EXPH5: variants seen among roughly 807,000 people sequenced by gnomAD.
EXPH5 encodes the protein exophilin-5.
In EXPH5, 42 loss-of-function variants were observed where a neutral mutation model predicts 41.1. The observed-to-expected ratio is 1.02, with a 90% CI of 0.80 to 1.32. The LOEUF (loss-of-function observed/expected upper bound fraction) is 1.32. Among genes scored for constraint, EXPH5 ranks in the 40% most tolerant of loss-of-function variants. The pLI, the probability that EXPH5 is intolerant of heterozygous loss-of-function variation, is 0.00. For synonymous variants in EXPH5, 798 were observed against 833.5 expected (o/e 0.96, Z 0.73); for missense variants, 2,298 against 2,314.5 (o/e 0.99, Z 0.15).
chr11:108,562,570 C>T (rs956362887), intron 1 of EXPH5, among the ~76,000 whole-genome samples: 1 of 152,080 alleles, frequency 6.6e-6, no homozygotes, highest in African/African-American at 2.4e-5. Context: ...GATCGCACCA[C>T]TGCACTCCAG....
chr11:108,525,923 T>C (rs895714663), intron 4 of EXPH5, among the ~76,000 whole-genome samples: 2 of 150,368 alleles, frequency 1.3e-5, no homozygotes, highest in African/African-American at 2.4e-5. Context: ...CTTTTCTTTT[T>C]TTTTTTTTTG....
intron 1 of EXPH5, among the ~76,000 whole-genome samples, chr11:108,571,095 C>G (rs896660111): frequency 1.4e-4 from 21 of 152,088 alleles, no homozygotes; most frequent in Non-Finnish European, 1.3e-4. Flanking sequence ...CTCGGTGGAA[C>G]TGGGAATACA....
chr11:108,571,938 C>G (rs1054263500), intron 1 of EXPH5, among the ~76,000 whole-genome samples: 5 of 151,888 alleles, frequency 3.3e-5, no homozygotes, highest in African/African-American at 1.2e-4. Context: ...GTCCCAGCTA[C>G]TCGGAGAGGC....
At chr11:108,532,339 G>GATAGATATATATATATAT (rs1555192496) in intron 3 of EXPH5, among the ~76,000 whole-genome samples, 2 of 23,426 alleles carry the variant, frequency 8.5e-5, no homozygotes, top group Admixed American at 7.0e-4. Context: ...CACCACACTG[G>GATAGATATATATATATAT]ATATATATAT....
chr11:108,541,866 C>T (rs2093914858), intron 1 of EXPH5, 54 bp from the exon 2 acceptor site: 2 of 1,400,916 alleles, frequency 1.4e-6, no homozygotes, highest in Non-Finnish European at 9.7e-7. Context: ...TAACATCAAG[C>T]TCATCCTTAA....
chr11:108,532,360 ATATATATTTTTTTTTTTTTTTTT>A (rs2093846851), intron 3 of EXPH5, among the ~76,000 whole-genome samples: 1 of 20,870 alleles, frequency 4.8e-5, no homozygotes, highest in African/African-American at 2.5e-4. Flanking sequence ...ATATATATAT[ATATATATTTTTTTTTTTTTTTTT>A]TTTTTTTTTT....
chr11:108,554,850 A>G (rs567940488), intron 1 of EXPH5, among the ~76,000 whole-genome samples: 12 of 152,286 alleles, frequency 7.9e-5, no homozygotes, highest in African/African-American at 2.9e-4. Context: ...CTTGAAGCCA[A>G]CAGGCAGAGG....
chr11:108,514,982 AT>A, intron 5 of EXPH5, 107 bp from the exon 6 acceptor site: 1 of 587,400 alleles, frequency 1.7e-6, no homozygotes, highest in Non-Finnish European at 2.6e-6. Flanking sequence ...TTATAATTTT[AT>A]TTTTATCATA....
chr11:108,583,678 A>T (rs929393415), intron 1 of EXPH5, among the ~76,000 whole-genome samples: 8 of 151,622 alleles, frequency 5.3e-5, no homozygotes, highest in East Asian at 1.9e-4. Flanking sequence ...TTAACAAAAA[A>T]ATAAAAATAA....
At chr11:108,538,469 C>T (rs533047021) in intron 3 of EXPH5, among the ~76,000 whole-genome samples, 1 of 152,172 alleles carries the variant, frequency 6.6e-6, no homozygotes, top group South Asian at 2.1e-4. Context: ...GCTTCTCCTC[C>T]CTCACCTTAT....
At chr11:108,529,670 C>T (rs1380545339) in intron 3 of EXPH5, among the ~76,000 whole-genome samples, 1 of 151,898 alleles carries the variant, frequency 6.6e-6, no homozygotes, top group Non-Finnish European at 1.5e-5. Context: ...CATGGTGAAA[C>T]CGTGTCTCTA....
At chr11:108,551,019 A>C (rs550063187) in intron 1 of EXPH5, among the ~76,000 whole-genome samples, 2 of 152,282 alleles carry the variant, frequency 1.3e-5, no homozygotes, top group South Asian at 4.1e-4. Flanking sequence ...GGGTGAAATC[A>C]TACCAATAAA....
At chr11:108,596,086 T>C (rs2852202), upstream of EXPH5, among the ~76,000 whole-genome samples, 60,495 of 151,634 alleles carry the variant, frequency 0.4, 13,539 homozygotes, top group Non-Finnish European at 0.49. Context: ...TCCCAGCTAC[T>C]CGGGAGGCTG....
In EXPH5 at chr11:108,513,851, C is replaced by A. The variant is rs755678654; in HGVS notation, c.1656G>T (p.Gln552His). 8 of 1,588,480 alleles carry A rather than the reference C, an allele frequency of 5.0e-6. No homozygotes were observed. The highest frequency in any genetic ancestry group is 6.0e-6 in the Non-Finnish European group (7 of 1,167,432). Residue 552 changes from glutamine to histidine, a missense_variant, in exon 6 of 6, where the codon CAG becomes CAT. Physicochemically the swap from Gln to His is conservative, Grantham distance 24. Transcript: ENST00000265843. ...SRGQEEPHPW[Q>H]FDFQRSTLDS... ...CCAGTGTGGATCTCTGAAAATCAAA[C>A]TGCCAAGGATGTGGCTCTTCTTGGC... is the stretch of plus-strand genomic sequence containing the variant.
intron 1 of EXPH5, among the ~76,000 whole-genome samples, chr11:108,546,678 T>C (rs566256723): frequency 4.6e-5 from 7 of 152,218 alleles, no homozygotes; most frequent in Non-Finnish European, 1.0e-4. Flanking sequence ...TCATTAAGTA[T>C]TTGCATAATA....
At chr11:108,549,741 C>T (rs775047684) in intron 1 of EXPH5, among the ~76,000 whole-genome samples, 1 of 152,162 alleles carries the variant, frequency 6.6e-6, no homozygotes, top group Non-Finnish European at 1.5e-5. Flanking sequence ...CAGGTTCTAG[C>T]TGGGTGATCT....
rs186226922 is a variant in EXPH5, at chr11:108,567,435, C to T, written c.120-25623G>A. Among the ~76,000 whole-genome samples the T allele has an allele frequency of 3.9e-5, 6 of 152,282 alleles. No homozygotes were observed. In the East Asian group the frequency reaches 1.2e-3, roughly 29 times the overall value. ...CAATGCCAGCCTCTATGAAGTTTTG[C>T]CTAATAATTTTAGCTCCAATCCATC... On this transcript the variant is annotated intron_variant, in intron 1 of 5. Coordinates refer to ENST00000265843, the MANE Select transcript of EXPH5 (RefSeq NM_015065.3).
At position 108,563,720 on chromosome 11, in the gene EXPH5, C is replaced by A. The variant is rs564692656; in HGVS notation, c.120-21908G>T. On this transcript the variant is annotated intron_variant, in intron 1 of 5. Transcript: ENST00000265843. ...GCCTCCCAGCCACCGTCCGGTTCAACCCTGGAACAGTAAAAAACCACCACT... is the reference window on the plus strand; with the variant it reads ...GCCTCCCAGCCACCGTCCGGTTCAAACCTGGAACAGTAAAAAACCACCACT... Among the ~76,000 whole-genome samples the A allele has an allele frequency of 2.0e-5, 3 of 152,264 alleles. No homozygotes were observed. The East Asian group carries it at 5.8e-4, about 29-fold the overall frequency.
chr11:108,513,897 T>C lies in EXPH5; in HGVS notation c.1610A>G (p.Tyr537Cys). 1 of 1,611,230 alleles carries C rather than the reference T, an allele frequency of 6.2e-7. No individual in the cohort carries two copies. The highest frequency in any genetic ancestry group is 8.5e-7 in the Non-Finnish European group (1 of 1,179,056). ...TTGGCCTCTGGAAACATCTGTTCCA[T>C]AACCAGAAGAAAATGATTCCCAGTG... ...SEHWESFSSG[Y>C]GTDVSRGQEE... Residue 537 changes from tyrosine to cysteine, a missense_variant, in exon 6 of 6, where the codon TAT (tyrosine) becomes TGT (cysteine). Physicochemically the swap from Tyr to Cys is radical, Grantham distance 194. Coordinates refer to ENST00000265843, the MANE Select transcript of EXPH5 (RefSeq NM_015065.3).
Sources: gnomAD v4.1 joint callset for allele counts (sites outside exome capture counted in the v4.1 genomes callset) on GRCh38, gnomAD v4.1.1 for gene constraint, MANE v1.5 for transcripts, NCBI Gene and HGNC (gene_info 2026-07-23, HGNC 2026-07-21) for gene names.